FGF14: variants seen among roughly 807,000 people sequenced by gnomAD.
FGF14 encodes the protein fibroblast growth factor homologous factor 4.
A neutral mutation model predicts 25.5 loss-of-function variants in FGF14; 5 were observed. The ratio of observed to expected loss-of-function variants is 0.20; its 90% CI spans 0.10 to 0.41. The LOEUF (loss-of-function observed/expected upper bound fraction) is 0.41, where lower values mean the gene tolerates loss of function less well. Among genes scored for constraint, FGF14 ranks in the 10% least tolerant of loss-of-function variants. FGF14 has a pLI of 1.00. For missense variants in FGF14, 222 were observed against 320.1 expected (o/e 0.69, Z 2.34); for synonymous variants, 138 against 118.3 (o/e 1.17, Z -1.08).
intron 1 of FGF14, among the ~76,000 whole-genome samples, chr13:102,031,602 T>C (rs2041212868): frequency 6.6e-6 from 1 of 151,946 alleles, no homozygotes; most frequent in South Asian, 2.1e-4. Flanking sequence ...CAAAAATCTA[T>C]ATTTTCTTAT....
At chr13:101,972,181 T>C (rs912545794) in intron 1 of FGF14, among the ~76,000 whole-genome samples, 1 of 152,200 alleles carries the variant, frequency 6.6e-6, no homozygotes, top group Non-Finnish European at 1.5e-5. Flanking sequence ...TGGTCCTGCT[T>C]TCCGAGGCAC....
intron 1 of FGF14, among the ~76,000 whole-genome samples, chr13:101,948,129 T>C (rs1395344663): frequency 6.6e-6 from 1 of 152,264 alleles, no homozygotes; most frequent in Non-Finnish European, 1.5e-5. Context: ...ATGCTAAAAC[T>C]TAGCAATGGT....
In FGF14 at chr13:102,161,701, A is replaced by AT. The variant is rs1566765980; in HGVS notation, c.208+239769_208+239770insA. Among the ~76,000 whole-genome samples, 53 of 148,568 alleles carry AT rather than the reference A, an allele frequency of 3.6e-4. 2 individuals carry two copies. The highest frequency in any genetic ancestry group is 1.0e-3 in the African/African-American group (41 of 40,376). On this transcript the variant is annotated intron_variant, in intron 1 of 4. Coordinates refer to the FGF14 transcript ENST00000376131. ...GAAGAAGAAGAAGAAGAAGAAGAAG[A>AT]AGAAGAAGAAGAAGAAGAAGAAGAA...
In FGF14 at chr13:102,097,391, AAT is replaced by A. The variant is rs577509072; in HGVS notation, c.209-222097_209-222096del. On this transcript the variant is annotated intron_variant, in intron 1 of 4. Coordinates refer to the FGF14 transcript ENST00000376131. ...TCCCTTGGTGAAGCTGTCTGGGACA[AAT>A]AGTTTTCCAATATGCTTTTAGACAA... 3.4e-3 allele frequency among the ~76,000 whole-genome samples: 512 copies of A among 152,316 alleles called. 2 individuals carry two copies. The highest frequency in any genetic ancestry group is 0.011 in the African/African-American group (473 of 41,566).
At chr13:101,871,818 C>G (rs948407381) in intron 2 of FGF14, among the ~76,000 whole-genome samples, 2 of 151,938 alleles carry the variant, frequency 1.3e-5, no homozygotes, top group African/African-American at 2.4e-5. Context: ...AAGATCTTTC[C>G]ATTATTATGG....
In FGF14 at chr13:102,335,700, G is replaced by A. The variant is rs116665566; in HGVS notation, c.208+65771C>T. ...TGTGCCTCTCTTTAATGCGCTTCACGGATGCTGTGCTTTGTTACAAATTGA... is the reference window on the plus strand; with the variant it reads ...TGTGCCTCTCTTTAATGCGCTTCACAGATGCTGTGCTTTGTTACAAATTGA... On this transcript the variant is annotated intron_variant, in intron 1 of 4. Coordinates refer to the FGF14 transcript ENST00000376131. Among the ~76,000 whole-genome samples, 725 of 152,220 alleles carry A rather than the reference G, an allele frequency of 4.8e-3. 1 individual carries two copies. Among genetic ancestry groups the A allele is most frequent in the African/African-American group, 0.017 (686 of 41,524 alleles).
At chr13:101,950,203 T>A (rs2036070454) in intron 1 of FGF14, among the ~76,000 whole-genome samples, 1 of 152,130 alleles carries the variant, frequency 6.6e-6, no homozygotes, top group Non-Finnish European at 1.5e-5. Context: ...TAATGACCTC[T>A]CTCCAGACAT....
At chr13:102,328,125 T>C (rs2056520750) in intron 1 of FGF14, among the ~76,000 whole-genome samples, 1 of 152,178 alleles carries the variant, frequency 6.6e-6, no homozygotes, top group South Asian at 2.1e-4. Flanking sequence ...TTCTCCCTTC[T>C]GGAATGAAAG....
chr13:101,764,504 C>T (rs755669774), intron 3 of FGF14, among the ~76,000 whole-genome samples: 1 of 152,176 alleles, frequency 6.6e-6, no homozygotes, highest in Non-Finnish European at 1.5e-5. Flanking sequence ...TTTCCCTAAC[C>T]CACAAGTGTT....
chr13:102,337,204 CA>C (rs1159976758), intron 1 of FGF14, among the ~76,000 whole-genome samples: 2 of 152,150 alleles, frequency 1.3e-5, no homozygotes, highest in East Asian at 3.9e-4. Flanking sequence ...TTCCAGATGT[CA>C]TTAAGAATAT....
intron 1 of FGF14, among the ~76,000 whole-genome samples, chr13:102,056,831 G>T (rs2042452119): frequency 6.7e-6 from 1 of 149,256 alleles, no homozygotes; most frequent in Non-Finnish European, 1.5e-5. Flanking sequence ...AAAATATAAT[G>T]AAATTCTTAA....
At chr13:101,895,851 A>C (rs1242187743) in intron 1 of FGF14, among the ~76,000 whole-genome samples, 2 of 152,178 alleles carry the variant, frequency 1.3e-5, no homozygotes, top group Non-Finnish European at 2.9e-5. Context: ...AAGTACTTTC[A>C]ATGGTAGAGG....
At chr13:102,011,787 C>T (rs756254600) in intron 1 of FGF14, among the ~76,000 whole-genome samples, 19 of 152,134 alleles carry the variant, frequency 1.2e-4, no homozygotes, top group Non-Finnish European at 2.4e-4. Flanking sequence ...TTCTCTGCAA[C>T]AATGTGACAG....
Position 102,372,935 on chromosome 13 carries a change from T to A in FGF14, c.208+28536A>T, listed in dbSNP as rs151286992. Among the ~76,000 whole-genome samples, 7 of 152,192 alleles carry A rather than the reference T, an allele frequency of 4.6e-5. No homozygotes were observed. The East Asian group carries it at 1.4e-3, about 29-fold the overall frequency. On this transcript the variant is annotated intron_variant, in intron 1 of 4. Transcript: ENST00000376131. Reference sequence around the variant, plus strand: ...CTTTCTACTGTAAAAATAGGGAAACTAAGGCTGAAAATAATAATTTACCCA... The same window carrying A: ...CTTTCTACTGTAAAAATAGGGAAACAAAGGCTGAAAATAATAATTTACCCA...
At chr13:101,891,368 C>T (rs1015528557) in intron 1 of FGF14, among the ~76,000 whole-genome samples, 2 of 152,116 alleles carry the variant, frequency 1.3e-5, no homozygotes, top group African/African-American at 2.4e-5. Flanking sequence ...TCAGATAGTG[C>T]CATCCCAGAA....
chr13:101,734,971 GC>G (rs2036075980), intron 3 of FGF14, among the ~76,000 whole-genome samples: 1 of 152,218 alleles, frequency 6.6e-6, no homozygotes, highest in Non-Finnish European at 1.5e-5. Context: ...AACGACCTTT[GC>G]CATGTAATTT....
chr13:102,069,088 A>G (rs1466442818), intron 1 of FGF14, among the ~76,000 whole-genome samples: 1 of 151,932 alleles, frequency 6.6e-6, no homozygotes, highest in Non-Finnish European at 1.5e-5. Context: ...CTTTATGTCT[A>G]GCTCAGGGAT....
intron 1 of FGF14, among the ~76,000 whole-genome samples, chr13:101,992,280 T>C (rs1234912818): frequency 6.6e-6 from 1 of 152,086 alleles, no homozygotes; most frequent in Non-Finnish European, 1.5e-5. Context: ...GTCACAGAAA[T>C]TTTAGCCACT....
intron 1 of FGF14, among the ~76,000 whole-genome samples, chr13:101,897,297 A>G (rs1566396582): frequency 6.6e-6 from 1 of 152,202 alleles, no homozygotes; most frequent in African/African-American, 2.4e-5. Flanking sequence ...TAGTTGAGAA[A>G]TAAGGATATT....
Sources: allele counts gnomAD v4.1 joint callset (sites outside exome capture counted in the v4.1 genomes callset), GRCh38; gene constraint gnomAD v4.1.1; transcripts MANE v1.5; gene names NCBI Gene and HGNC (gene_info 2026-07-23, HGNC 2026-07-21).